Variants in SLC9A6 observed in about 807,000 individuals in gnomAD.
The protein encoded by SLC9A6 is solute carrier family 9 member A6.
Under a neutral mutation model 45.3 loss-of-function variants are expected in SLC9A6, and 6 were observed. That is an observed-to-expected ratio of 0.13 (90% CI 0.07 to 0.26). The LOEUF is 0.26. SLC9A6 is among the 10% of genes least tolerant of loss of function. The probability of loss-of-function intolerance (pLI) is 1.00; values close to 1 mark genes in which losing one functional copy is unlikely to be tolerated. For missense variants in SLC9A6, 278 were observed against 503.7 expected (o/e 0.55, Z 4.29); for synonymous variants, 191 against 187.7 (o/e 1.02, Z -0.14).
intron 11 of SLC9A6, among the ~76,000 whole-genome samples, chrX:136,017,366 T>A (rs1237330017): frequency 2.8e-5 from 3 of 107,024 alleles, no homozygotes; most frequent in East Asian, 2.9e-4. Context: ...TGCAGTGAGC[T>A]GTGATTGGGT....
Position 136,044,894 on chromosome X carries a change from A to G in SLC9A6, c.*170A>G. The G allele has an allele frequency of 2.1e-6, 1 of 468,848 alleles. No homozygotes were observed. The highest frequency in any genetic ancestry group is 2.4e-5 in the African/African-American group (1 of 41,723). 38.6% of individuals were successfully genotyped at this position (468,848 alleles called of 1,213,427 possible). A position where few individuals can be genotyped will look rare whatever the true frequency, so the allele number is the denominator to read the frequency against. On this transcript the variant is annotated 3_prime_UTR_variant, in exon 18 of 18. Transcript: ENST00000630721. ...CCTGTACACGGCAGATTGTGAACAA[A>G]CTATATTCCTTTAAGTTTTCCTGGT...
At chrX:136,015,157 G>A in intron 10 of SLC9A6, among the ~76,000 whole-genome samples, 1 of 113,165 alleles carries the variant, frequency 8.8e-6, no homozygotes, top group Admixed American at 9.3e-5. Context: ...TTAATTGGTT[G>A]GCAAAAGATC....
At chrX:136,032,850 A>AT (rs1265490004) in intron 15 of SLC9A6, among the ~76,000 whole-genome samples, 1 of 112,291 alleles carries the variant, frequency 8.9e-6, no homozygotes, top group Non-Finnish European at 1.9e-5. Context: ...CAGTACATGA[A>AT]TTATACCACA....
Position 136,030,176 on chromosome X carries a change from TTTG to T in SLC9A6, c.1581+20_1581+22del. On this transcript the variant is annotated intron_variant, in intron 15 of 17. Coordinates refer to ENST00000630721, the MANE Select transcript of SLC9A6 (RefSeq NM_001379110.1). Reference sequence around the variant, plus strand: ...CAAGAACACTTGGTAAATATGCGTTTTTGTTGTTCCTGGCATTTCTGTCAAATG... The same window carrying T: ...CAAGAACACTTGGTAAATATGCGTTTTTGTTCCTGGCATTTCTGTCAAATG... 8.3e-7 allele frequency: 1 copy of T among 1,203,951 alleles called. No homozygotes were observed. The highest frequency in any genetic ancestry group is 1.1e-6 in the Non-Finnish European group (1 of 888,204).
chrX:135,998,629 A>G lies in SLC9A6; in HGVS notation c.524+71A>G, dbSNP rs782142024. 2.1e-5 allele frequency: 17 copies of G among 797,851 alleles called. No homozygotes were observed. The East Asian group carries it at 5.0e-4, about 24-fold the overall frequency. The allele number at this position is 797,851 out of a possible 1,213,427, so 65.8% of individuals were successfully genotyped here. ...TTTTAAAATAATATATTTTTGATTTATGCAGTGTTATATATTCCTGACTGG... is the reference window on the plus strand; with the variant it reads ...TTTTAAAATAATATATTTTTGATTTGTGCAGTGTTATATATTCCTGACTGG... On this transcript the variant is annotated intron_variant, in intron 5 of 17. Coordinates refer to ENST00000630721, the MANE Select transcript of SLC9A6 (RefSeq NM_001379110.1).
At chrX:136,024,161 AC>A (rs1231942833) in intron 12 of SLC9A6, among the ~76,000 whole-genome samples, 168 bp from the exon 13 acceptor site, 1 of 112,457 alleles carries the variant, frequency 8.9e-6, no homozygotes, top group Non-Finnish European at 1.9e-5. Context: ...TGCTGGGATT[AC>A]AGGTGTGAGC....
intron 3 of SLC9A6, 138 bp from the exon 4 acceptor site, chrX:135,997,970 G>T: frequency 4.5e-6 from 2 of 446,043 alleles, no homozygotes; most frequent in Admixed American, 3.7e-5. Flanking sequence ...TATCCTATAT[G>T]AAATATTTTT....
At chrX:135,997,556 C>T (rs1243103168) in intron 3 of SLC9A6, among the ~76,000 whole-genome samples, 3 of 105,027 alleles carry the variant, frequency 2.9e-5, no homozygotes, top group African/African-American at 1.1e-4. Context: ...TACAGGCACA[C>T]GCCACCACAC....
intron 6 of SLC9A6, 82 bp from the exon 7 acceptor site, chrX:136,002,026 A>G (rs1245521521): frequency 4.7e-6 from 3 of 644,767 alleles, no homozygotes; most frequent in Non-Finnish European, 7.8e-6. Flanking sequence ...GAATTTCTAA[A>G]TAACTCTCAG....
intron 3 of SLC9A6, among the ~76,000 whole-genome samples, chrX:135,995,272 C>T (rs1224948723): frequency 2.7e-5 from 3 of 111,624 alleles, no homozygotes; most frequent in African/African-American, 6.5e-5. Flanking sequence ...AATTTATAAG[C>T]GTTTCTTTCC....
intron 9 of SLC9A6, 115 bp from the exon 10 acceptor site, chrX:136,013,234 A>C (rs2070956929): frequency 2.6e-6 from 2 of 766,935 alleles, no homozygotes; most frequent in Non-Finnish European, 4.0e-6. Context: ...TTAACAAAGT[A>C]AGTCACAAAT....
At position 136,044,737 on chromosome X, in the gene SLC9A6, T is replaced by A. The variant is rs782320512; in HGVS notation, c.*13T>A. On this transcript the variant is annotated 3_prime_UTR_variant, in exon 18 of 18. Transcript: ENST00000630721. ...TGGTCCAGCCTAAGCTTACTAATAC[T>A]CACTTAGTGATTTGTAAAATTTGCA... 1 of 1,206,127 alleles carries A rather than the reference T, an allele frequency of 8.3e-7. No individual in the cohort carries two copies. The highest frequency in any genetic ancestry group is 1.1e-6 in the Non-Finnish European group (1 of 890,310).
At position 135,985,468 on chromosome X, in the gene SLC9A6, C is replaced by A. The variant is rs2089315684; in HGVS notation, c.-66C>A. 9.8e-7 allele frequency: 1 copy of A among 1,018,047 alleles called. No individual in the cohort carries two copies. The highest frequency in any genetic ancestry group is 1.3e-6 in the Non-Finnish European group (1 of 796,257). 83.9% of individuals were successfully genotyped at this position (1,018,047 alleles called of 1,213,427 possible). ...GGGGAGTGGTCCGACCGCGGGCGGC[C>A]GCCGGTGAGGTAGGGGCGGGAGGCG... On this transcript the variant is annotated 5_prime_UTR_variant, in exon 1 of 18. Transcript: ENST00000630721.
intron 15 of SLC9A6, among the ~76,000 whole-genome samples, chrX:136,032,130 C>T (rs1340151018): frequency 8.9e-6 from 1 of 112,005 alleles, no homozygotes; most frequent in Non-Finnish European, 1.9e-5. Context: ...TGCAGTGGCA[C>T]GATCTCAGGT....
chrX:135,989,838 G>T (rs1281020288), intron 2 of SLC9A6, among the ~76,000 whole-genome samples: 1 of 111,555 alleles, frequency 9.0e-6, no homozygotes, highest in Non-Finnish European at 1.9e-5. Flanking sequence ...GCACAGGAGG[G>T]TCAGGAATGT....
chrX:136,007,294 G>A (rs1210048571), intron 7 of SLC9A6, among the ~76,000 whole-genome samples: 1 of 110,015 alleles, frequency 9.1e-6, no homozygotes, highest in Admixed American at 9.8e-5. Context: ...TCAATGGGGG[G>A]GGGTTCCTAT....
chrX:136,018,800 T>A (rs77277403), intron 11 of SLC9A6, among the ~76,000 whole-genome samples: 2 of 110,898 alleles, frequency 1.8e-5, no homozygotes, highest in Admixed American at 9.6e-5. Flanking sequence ...TTTTTTTTTT[T>A]AATTAAAACT....
At chrX:135,996,842 T>G (rs185074029) in intron 3 of SLC9A6, among the ~76,000 whole-genome samples, 1 of 109,037 alleles carries the variant, frequency 9.2e-6, no homozygotes, top group Non-Finnish European at 1.9e-5. Context: ...TCTCGGCTCA[T>G]TGCAAGCTCT....
chrX:136,030,314 C>A, intron 15 of SLC9A6, 152 bp downstream of exon 15: 1 of 591,832 alleles, frequency 1.7e-6, no homozygotes, highest in Non-Finnish European at 2.8e-6. Context: ...GCTTTTCTCA[C>A]TGCTCCATAG....
Sources: gnomAD v4.1 joint callset for allele counts (sites outside exome capture counted in the v4.1 genomes callset) on GRCh38, gnomAD v4.1.1 for gene constraint, MANE v1.5 for transcripts, NCBI Gene and HGNC (gene_info 2026-07-23, HGNC 2026-07-21) for gene names.